The following PDE8A variants were observed in gnomAD, a reference collection of about 807,000 sequenced individuals.
PDE8A encodes the protein phosphodiesterase 8A.
Under a neutral mutation model 105.0 loss-of-function variants are expected in PDE8A, and 59 were observed. That is an observed-to-expected ratio of 0.56 (90% CI 0.46 to 0.70). The LOEUF is 0.70. Among genes scored for constraint, PDE8A ranks in the 30% least tolerant of loss-of-function variants. The probability of loss-of-function intolerance (pLI) is 0.00; values close to 1 mark genes in which losing one functional copy is unlikely to be tolerated. For missense variants in PDE8A, 1,014 were observed against 1,045.9 expected (o/e 0.97, Z 0.42); for synonymous variants, 355 against 371.9 (o/e 0.95, Z 0.52).
chr15:85,076,777 G>C lies in PDE8A; in HGVS notation c.536G>C (p.Gly179Ala), dbSNP rs2081386453. The C allele has an allele frequency of 6.3e-7, 1 of 1,577,200 alleles. No individual in the cohort carries two copies. Among genetic ancestry groups the C allele is most frequent in the Non-Finnish European group, 8.7e-7 (1 of 1,146,584 alleles). ...TCCGTAATGCCTTTCATTTCTGCTGGATTTACAAGGGTATGTACTCACTTA... is the reference window on the plus strand; with the variant it reads ...TCCGTAATGCCTTTCATTTCTGCTGCATTTACAAGGGTATGTACTCACTTA... Reference protein sequence around the residue: ...ELSVMPFISAGFTRRYVENPN... With the variant: ...ELSVMPFISAAFTRRYVENPN... The change falls in exon 5 of 22, where the codon GGA (glycine) becomes GCA (alanine). Residue 179 changes from glycine to alanine, a missense_variant. Coordinates refer to ENST00000394553, the MANE Select transcript of PDE8A (RefSeq NM_002605.3).
At chr15:85,014,666 A>T (rs561970930) in intron 1 of PDE8A, among the ~76,000 whole-genome samples, 3 of 152,196 alleles carry the variant, frequency 2.0e-5, no homozygotes, top group Admixed American at 6.5e-5. Flanking sequence ...TTTTAGAGAA[A>T]TGGTGGCATA....
chr15:85,048,145 CTT>C (rs1226226360), intron 1 of PDE8A, among the ~76,000 whole-genome samples: 1 of 152,006 alleles, frequency 6.6e-6, no homozygotes, highest in Non-Finnish European at 1.5e-5. Flanking sequence ...TGATTCATTA[CTT>C]TTGTGAGTTA....
At chr15:85,051,503 G>A (rs543517756) in intron 1 of PDE8A, among the ~76,000 whole-genome samples, 7 of 152,160 alleles carry the variant, frequency 4.6e-5, no homozygotes, top group Non-Finnish European at 1.0e-4. Context: ...GGGGTACTTA[G>A]GGATGTGCAG....
At chr15:85,073,007 G>C (rs2081334349) in intron 3 of PDE8A, among the ~76,000 whole-genome samples, 1 of 152,130 alleles carries the variant, frequency 6.6e-6, no homozygotes. Flanking sequence ...CCAGCTACTT[G>C]AGAGGCCGAT....
In PDE8A at chr15:85,099,724, C is replaced by G. The variant is rs952919104; in HGVS notation, c.942-291C>G. 1.8e-5 allele frequency: 7 copies of G among 393,980 alleles called. No individual in the cohort carries two copies. In the Admixed American group the frequency reaches 2.1e-4, roughly 12 times the overall value. The allele number at this position is 393,980 out of a possible 1,614,324, so 24.4% of individuals were successfully genotyped here. A position where few individuals can be genotyped will look rare whatever the true frequency, so the allele number is the denominator to read the frequency against. ...AAAACATGTTAAGGAACTAAAGGCT[C>G]TCAGTTGGTTAACATGCAGTTCATT... On this transcript the variant is annotated intron_variant, in intron 9 of 21. Transcript: ENST00000394553.
chr15:85,082,032 G>A (rs544828753), intron 5 of PDE8A, among the ~76,000 whole-genome samples: 46 of 152,194 alleles, frequency 3.0e-4, no homozygotes, highest in African/African-American at 9.6e-4. Flanking sequence ...TCAAGGCCCC[G>A]ATTCCATGTC....
intron 12 of PDE8A, among the ~76,000 whole-genome samples, chr15:85,112,028 ATCT>A (rs746883113): frequency 6.6e-6 from 1 of 151,430 alleles, no homozygotes; most frequent in Non-Finnish European, 1.5e-5. Context: ...GACTTTGTAT[ATCT>A]AGGAGCTTGG....
At chr15:85,062,383 T>A (rs1232090614) in intron 1 of PDE8A, 1 of 152,232 alleles carries the variant, frequency 6.6e-6, no homozygotes, top group Non-Finnish European at 1.5e-5. Flanking sequence ...ACTTTCTAGT[T>A]TTCCCTGTAT....
At position 85,116,025 on chromosome 15, in the gene PDE8A, C is replaced by T. The variant is rs143424001; in HGVS notation, c.1441C>T (p.Leu481Phe). The stretch of plus-strand genomic sequence containing the variant: ...AAGCAATATAATCACTCCCATCTCC[C>T]TTGATGATGTCCCACCACGGATAGC... ...VSSNIITPIS[L>F]DDVPPRIARA... The change falls in exon 16 of 22, where the codon CTT becomes TTT. Residue 481 changes from leucine to phenylalanine, a missense_variant. Coordinates refer to ENST00000394553, the MANE Select transcript of PDE8A (RefSeq NM_002605.3). 5 of 1,613,330 alleles carry T rather than the reference C, an allele frequency of 3.1e-6. No individual in the cohort carries two copies. The African/African-American group carries it at 6.7e-5, about 22-fold the overall frequency.
chr15:85,040,600 G>A (rs1330690660), intron 1 of PDE8A, among the ~76,000 whole-genome samples: 1 of 137,440 alleles, frequency 7.3e-6, no homozygotes, highest in Non-Finnish European at 1.5e-5. Flanking sequence ...TGGGTCTGTC[G>A]TCCAGGCAGG....
intron 8 of PDE8A, among the ~76,000 whole-genome samples, chr15:85,096,727 C>A (rs545658774): frequency 6.6e-6 from 1 of 152,260 alleles, no homozygotes; most frequent in South Asian, 2.1e-4. Context: ...AGAACTGTAC[C>A]AAGGCCCATA....
chr15:85,134,209 G>A (rs2082369951), intron 20 of PDE8A, among the ~76,000 whole-genome samples: 1 of 152,242 alleles, frequency 6.6e-6, no homozygotes, highest in Admixed American at 6.5e-5. Flanking sequence ...TGAATAGGGA[G>A]GGCAGGCCCT....
At chr15:85,045,367 G>C (rs141545748) in intron 1 of PDE8A, among the ~76,000 whole-genome samples, 118 of 152,260 alleles carry the variant, frequency 7.7e-4, no homozygotes, top group African/African-American at 2.7e-3. Flanking sequence ...ATTACGGCCA[G>C]GTTATTTTAG....
At chr15:85,095,414 G>T (rs1043819270) in intron 8 of PDE8A, among the ~76,000 whole-genome samples, 2 of 152,044 alleles carry the variant, frequency 1.3e-5, no homozygotes, top group African/African-American at 2.4e-5. Context: ...GGTGATATCG[G>T]CTCACTGCAA....
At chr15:85,052,394 G>C (rs548486358) in intron 1 of PDE8A, among the ~76,000 whole-genome samples, 10 of 152,246 alleles carry the variant, frequency 6.6e-5, no homozygotes, top group Non-Finnish European at 7.4e-5. Context: ...TGAGGAATTG[G>C]CACACTGTCT....
Position 84,982,145 on chromosome 15 carries a change from C to CGCG in PDE8A, c.-14_-12dup, listed in dbSNP as rs752528020. The CGCG allele has an allele frequency of 2.3e-5, 30 of 1,315,528 alleles. No homozygotes were observed. Among genetic ancestry groups the CGCG allele is most frequent in the Middle Eastern group, 2.9e-4 (1 of 3,492 alleles). The allele number at this position is 1,315,528 out of a possible 1,614,324, so 81.5% of individuals were successfully genotyped here. ...GATCGCGGCTACCCGCCAGCGTGTC[C>CGCG]GCGGCGCCGCCGCCAGCATGGGCTG... On this transcript the variant is annotated 5_prime_UTR_variant, in exon 1 of 22. Transcript: ENST00000394553.
At position 85,033,737 on chromosome 15, in the gene PDE8A, C is replaced by G. The variant is rs544696030; in HGVS notation, c.187-30633C>G. ...AAAATTAGCTGGGCGTGGTGGCGGG[C>G]GCCTGTAATCCCAGCTGTTCGGGAG... is the stretch of plus-strand genomic sequence containing the variant. On this transcript the variant is annotated intron_variant, in intron 1 of 21. Transcript: ENST00000394553. Among the ~76,000 whole-genome samples the G allele has an allele frequency of 6.7e-3, 1,012 of 152,134 alleles. 3 individuals carry two copies. The highest frequency in any genetic ancestry group is 0.012 in the Non-Finnish European group (794 of 67,982).
intron 20 of PDE8A, among the ~76,000 whole-genome samples, chr15:85,129,464 G>A (rs928210959): frequency 2.6e-5 from 4 of 152,150 alleles, no homozygotes; most frequent in African/African-American, 9.7e-5. Flanking sequence ...GTCCTGGTAG[G>A]TTGCATGTTT....
At position 84,985,309 on chromosome 15, in the gene PDE8A, T is replaced by A. The variant is rs1190489369; in HGVS notation, c.186+2961T>A. Among the ~76,000 whole-genome samples the A allele has an allele frequency of 2.6e-5, 4 of 152,224 alleles. No homozygotes were observed. In the East Asian group the frequency reaches 7.7e-4, roughly 29 times the overall value. On this transcript the variant is annotated intron_variant, in intron 1 of 21. Transcript: ENST00000394553. ...GCTGGGTTGTCTGTATGAACTTATTTAAGTATTACTAAAAATACCCTCTGT... is the reference window on the plus strand; with the variant it reads ...GCTGGGTTGTCTGTATGAACTTATTAAAGTATTACTAAAAATACCCTCTGT...
Sources: gnomAD v4.1 joint callset for allele counts (sites outside exome capture counted in the v4.1 genomes callset) on GRCh38, gnomAD v4.1.1 for gene constraint, MANE v1.5 for transcripts, NCBI Gene and HGNC (gene_info 2026-07-23, HGNC 2026-07-21) for gene names.